Variants in DIP2C observed in about 807,000 individuals in gnomAD.
DIP2C encodes DIP2 acetate--CoA ligase C (putative).
DIP2C carries 33 observed loss-of-function variants against 192.4 expected under a neutral mutation model. The observed-to-expected ratio is 0.17, with a 90% CI of 0.13 to 0.23. DIP2C has a LOEUF of 0.23. Ranked by LOEUF, DIP2C falls within the 10% of genes least tolerant of loss-of-function variation. The pLI, the probability that DIP2C is intolerant of heterozygous loss-of-function variation, is 1.00. For synonymous variants in DIP2C, 979 were observed against 864.1 expected (o/e 1.13, Z -2.33); for missense variants, 1,537 against 2,110.1 (o/e 0.73, Z 5.32).
Position 363,573 on chromosome 10 carries a change from T to C in DIP2C, c.2478-262A>G, listed in dbSNP as rs1959799454. 6.6e-6 allele frequency among the ~76,000 whole-genome samples: 1 copy of C among 152,204 alleles called. No homozygotes were observed. Among genetic ancestry groups the C allele is most frequent in the South Asian group, 2.1e-4 (1 of 4,830 alleles). ...CACCCGCGGGCTCTGGTGACCAGGTTGCGCCTTTCGGTACAGAGGGGCAAA... is the reference window on the plus strand; with the variant it reads ...CACCCGCGGGCTCTGGTGACCAGGTCGCGCCTTTCGGTACAGAGGGGCAAA... On this transcript the variant is annotated intron_variant, in intron 20 of 36. Coordinates refer to ENST00000280886, the MANE Select transcript of DIP2C (RefSeq NM_014974.3). This position sits in a 1 kb window ranked among gnomAD's most constrained non-coding sequence, Gnocchi z 5.4.
chr10:561,812 A>T (rs1849234644), intron 1 of DIP2C, among the ~76,000 whole-genome samples: 1 of 152,176 alleles, frequency 6.6e-6, no homozygotes, highest in South Asian at 2.1e-4. Context: ...GAAGGCAAAT[A>T]CTCATGAAAT....
chr10:365,787 G>C (rs567713126), intron 19 of DIP2C, among the ~76,000 whole-genome samples: 1 of 152,198 alleles, frequency 6.6e-6, no homozygotes, highest in Non-Finnish European at 1.5e-5. Flanking sequence ...GTGCCACTGA[G>C]ATCGTTACAT....
intron 17 of DIP2C, among the ~76,000 whole-genome samples, chr10:378,516 A>C (rs1961919543): frequency 6.7e-6 from 1 of 149,408 alleles, no homozygotes; most frequent in South Asian, 2.2e-4. Context: ...AAGACACGTG[A>C]ACACACATGC....
chr10:583,784 G>A (rs372771434), intron 1 of DIP2C, among the ~76,000 whole-genome samples: 7 of 152,260 alleles, frequency 4.6e-5, no homozygotes, highest in South Asian at 4.1e-4. Context: ...AAATCCACCC[G>A]ATCGCTCCAA....
chr10:494,586 G>GAA (rs1291654995), intron 1 of DIP2C, among the ~76,000 whole-genome samples: 1 of 152,188 alleles, frequency 6.6e-6, no homozygotes, highest in African/African-American at 2.4e-5. Context: ...TGCAGCATGA[G>GAA]AAAGCAAAGC....
At chr10:389,331 C>G (rs975576059) in intron 13 of DIP2C, among the ~76,000 whole-genome samples, 1 of 152,042 alleles carries the variant, frequency 6.6e-6, no homozygotes, top group East Asian at 1.9e-4. Context: ...TCCCCGGGGT[C>G]GCACCCTCCC....
At chr10:280,798 T>C (rs1310040717) in intron 36 of DIP2C, among the ~76,000 whole-genome samples, 1 of 152,162 alleles carries the variant, frequency 6.6e-6, no homozygotes, top group Admixed American at 6.5e-5. Context: ...TGCCTCTCCT[T>C]CTCACTGAAG....
At chr10:288,307 CCATA>C (rs1272678337) in intron 33 of DIP2C, 53 bp downstream of exon 33, 10 of 1,502,074 alleles carry the variant, frequency 6.7e-6, no homozygotes, top group Admixed American at 3.8e-5. Context: ...ATTTCAAAGC[CCATA>C]CAGTCAGAAG....
chr10:645,770 G>C (rs1020707467), intron 1 of DIP2C, among the ~76,000 whole-genome samples: 1 of 151,450 alleles, frequency 6.6e-6, no homozygotes, highest in African/African-American at 2.4e-5. Context: ...TCTCTGAATG[G>C]GGGGGGCTAT....
At chr10:628,288 A>T (rs1002063660) in intron 1 of DIP2C, among the ~76,000 whole-genome samples, 3 of 152,248 alleles carry the variant, frequency 2.0e-5, no homozygotes, top group Non-Finnish European at 4.4e-5. Context: ...GTCCTTGTGG[A>T]TGGGCCTGTG....
At chr10:458,246 G>A (rs996985320) in intron 3 of DIP2C, among the ~76,000 whole-genome samples, 1 of 152,218 alleles carries the variant, frequency 6.6e-6, no homozygotes, top group African/African-American at 2.4e-5. Flanking sequence ...AAATAAGGAA[G>A]TAACACTATG....
chr10:424,712 G>A (rs1208957092), intron 4 of DIP2C, among the ~76,000 whole-genome samples: 1 of 152,134 alleles, frequency 6.6e-6, no homozygotes, highest in Non-Finnish European at 1.5e-5. Context: ...AAGTAAAATT[G>A]ACACAGCCTT....
At chr10:683,991 G>C (rs923492619) in intron 1 of DIP2C, among the ~76,000 whole-genome samples, 3 of 152,276 alleles carry the variant, frequency 2.0e-5, no homozygotes, top group Non-Finnish European at 4.4e-5. Context: ...TGGCTCTCAG[G>C]AGGCTGAGCG....
In DIP2C at chr10:321,597, A is replaced by G. The variant is rs868506055; in HGVS notation, c.3924+5409T>C. 7.9e-4 allele frequency among the ~76,000 whole-genome samples: 107 copies of G among 135,116 alleles called. 1 individual carries two copies. Among genetic ancestry groups the G allele is most frequent in the African/African-American group, 2.2e-3 (80 of 35,656 alleles). The allele number at this position is 135,116 out of a possible 152,430, so 88.6% of individuals were successfully genotyped here. A position where few individuals can be genotyped will look rare whatever the true frequency, so the allele number is the denominator to read the frequency against. ...CGGGGGTGCGGGGCTCCAGCGAGAG[A>G]CCGGCGCTGTTAGAACAGTCAGTCG... On this transcript the variant is annotated intron_variant, in intron 31 of 36. Transcript: ENST00000280886.
intron 1 of DIP2C, among the ~76,000 whole-genome samples, chr10:497,821 A>G (rs958537837): frequency 1.3e-5 from 2 of 152,244 alleles, no homozygotes; most frequent in African/African-American, 4.8e-5. Flanking sequence ...CAAGCGCCAA[A>G]AAAAATTAGC....
At chr10:607,495 A>C (rs780235549) in intron 1 of DIP2C, among the ~76,000 whole-genome samples, 10 of 152,326 alleles carry the variant, frequency 6.6e-5, no homozygotes, top group Non-Finnish European at 1.2e-4. Flanking sequence ...GGTATCTATG[A>C]GATCGTCTCT....
rs918260404 is a variant in DIP2C, at chr10:396,829, G to A, written c.1260+2280C>T. On this transcript the variant is annotated intron_variant, in intron 10 of 36. Coordinates refer to ENST00000280886, the MANE Select transcript of DIP2C (RefSeq NM_014974.3). ...GGAGTGCTGGCTGCAAATCCGGTGG[G>A]GGGGGGGGAAACTGGCTGCAAATCC... 2.4e-3 allele frequency among the ~76,000 whole-genome samples: 156 copies of A among 64,966 alleles called. 3 individuals are homozygous for A. Among genetic ancestry groups the A allele is most frequent in the African/African-American group, 5.4e-3 (150 of 27,688 alleles). The allele number at this position is 64,966 out of a possible 152,430, so 42.6% of individuals were successfully genotyped here.
intron 4 of DIP2C, chr10:437,879 A>C (rs1967397479): frequency 6.6e-6 from 1 of 152,260 alleles, no homozygotes; most frequent in South Asian, 2.1e-4. Context: ...AACTGAGATA[A>C]GATCTAACCA....
chr10:277,646 A>G, intron 36 of DIP2C, 69 bp from the exon 37 acceptor site: 1 of 1,572,482 alleles, frequency 6.4e-7, no homozygotes, highest in Non-Finnish European at 8.6e-7. Context: ...GTGGTTTCAA[A>G]GTTCCACTTG....
Sources: allele counts gnomAD v4.1 joint callset (sites outside exome capture counted in the v4.1 genomes callset), GRCh38; gene constraint gnomAD v4.1.1; non-coding constraint Gnocchi (gnomAD v3.1); transcripts MANE v1.5; gene names NCBI Gene and HGNC (gene_info 2026-07-23, HGNC 2026-07-21).